Variants in XKR4 observed in about 807,000 individuals in gnomAD.
XKR4 encodes XK related 4.
A neutral mutation model predicts 53.9 loss-of-function variants in XKR4; 12 were observed. That is an observed-to-expected ratio of 0.22 (90% CI 0.14 to 0.36). XKR4 has a LOEUF of 0.36. XKR4 is among the 10% of genes least tolerant of loss of function. The probability of loss-of-function intolerance (pLI) is 1.00; values close to 1 mark genes in which losing one functional copy is unlikely to be tolerated. For synonymous variants in XKR4, 354 were observed against 362.4 expected, an observed-to-expected ratio of 0.98 and a Z score of 0.26; for missense variants, 799 against 859.5, an observed-to-expected ratio of 0.93 and a Z score of 0.88.
chr8:55,523,263 T>C lies in XKR4; in HGVS notation c.1007-18T>C, dbSNP rs775043728. 1.9e-6 allele frequency: 3 copies of C among 1,569,258 alleles called. No individual in the cohort carries two copies. The highest frequency in any genetic ancestry group is 2.6e-6 in the Non-Finnish European group (3 of 1,156,768). ...GCAACTGATTTCTGACACACTGTCT[T>C]CCTGTTTGCCTTTGTAGGTTTCACA... On this transcript the variant is annotated intron_variant, in intron 2 of 2. Transcript: ENST00000327381.
At chr8:55,480,788 C>T (rs1184511959) in intron 2 of XKR4, among the ~76,000 whole-genome samples, 1 of 141,748 alleles carries the variant, frequency 7.1e-6, no homozygotes, top group Non-Finnish European at 1.5e-5. Context: ...TGAGTGAACT[C>T]CCATTCACAA....
intron 1 of XKR4, among the ~76,000 whole-genome samples, chr8:55,285,457 T>C (rs1818895365): frequency 6.6e-6 from 1 of 151,584 alleles, no homozygotes; most frequent in South Asian, 2.1e-4. Flanking sequence ...GAATGAAGAA[T>C]TGAATTAATG....
In XKR4 at chr8:55,541,272, G is replaced by A. The variant is rs574097131; in HGVS notation, c.*17045G>A. On this transcript the variant is annotated 3_prime_UTR_variant, in exon 3 of 3. Coordinates refer to ENST00000327381, the MANE Select transcript of XKR4 (RefSeq NM_052898.2). The stretch of plus-strand genomic sequence containing the variant: ...ACCTCAGGAGGTTGTACTTAATTTT[G>A]TTTGTTTGTTTCTAAGGTTGGTTTT... 1 of 152,234 alleles carries A rather than the reference G, an allele frequency of 6.6e-6. No homozygotes were observed. The highest frequency in any genetic ancestry group is 2.1e-4 in the South Asian group (1 of 4,826). The allele number at this position is 152,234 out of a possible 1,614,324, so 9.4% of individuals were successfully genotyped here. A position where few individuals can be genotyped will look rare whatever the true frequency, so the allele number is the denominator to read the frequency against.
chr8:55,511,334 G>A (rs995509203), intron 2 of XKR4, among the ~76,000 whole-genome samples: 3 of 152,128 alleles, frequency 2.0e-5, no homozygotes, highest in Non-Finnish European at 2.9e-5. Flanking sequence ...AATTATTTGC[G>A]GAATGAAGCC....
At chr8:55,364,435 C>T (rs1056878633) in intron 2 of XKR4, among the ~76,000 whole-genome samples, 9 of 152,168 alleles carry the variant, frequency 5.9e-5, no homozygotes, top group African/African-American at 2.2e-4. Context: ...CCTTCTGTAG[C>T]GTGTTCTCCC....
chr8:55,314,983 C>T (rs572403894), intron 1 of XKR4, among the ~76,000 whole-genome samples: 81 of 152,272 alleles, frequency 5.3e-4, no homozygotes, highest in African/African-American at 1.6e-3. Context: ...AGGGCAAAAA[C>T]GCTGTGCATT....
intron 1 of XKR4, among the ~76,000 whole-genome samples, chr8:55,224,087 C>A (rs1328815229): frequency 6.6e-6 from 1 of 152,142 alleles, no homozygotes; most frequent in Non-Finnish European, 1.5e-5. Flanking sequence ...ATATATACAT[C>A]TGCTTTTTCT....
At chr8:55,106,707 A>G (rs1816154892) in intron 1 of XKR4, among the ~76,000 whole-genome samples, 1 of 152,184 alleles carries the variant, frequency 6.6e-6, no homozygotes, top group Admixed American at 6.5e-5. Context: ...ATGTATGTAC[A>G]TAGTTAATTA....
intron 2 of XKR4, among the ~76,000 whole-genome samples, chr8:55,484,115 C>T (rs2129401523): frequency 6.6e-6 from 1 of 152,198 alleles, no homozygotes; most frequent in South Asian, 2.1e-4. Context: ...AACACATAAG[C>T]TACCCCAACT....
intron 2 of XKR4, among the ~76,000 whole-genome samples, chr8:55,475,618 ATTTG>A (rs1479178732): frequency 0.04 from 2,908 of 73,556 alleles, 74 homozygotes; most frequent in African/African-American, 0.19. Flanking sequence ...TTATTTATTT[ATTTG>A]AGATGGAGTC....
At chr8:55,182,631 C>A (rs1168373214) in intron 1 of XKR4, among the ~76,000 whole-genome samples, 1 of 152,090 alleles carries the variant, frequency 6.6e-6, no homozygotes, top group Non-Finnish European at 1.5e-5. Flanking sequence ...TTTTTGGGAT[C>A]TCTGTTCTGT....
intron 2 of XKR4, among the ~76,000 whole-genome samples, chr8:55,510,173 C>G (rs1327058780): frequency 1.3e-5 from 2 of 151,950 alleles, no homozygotes; most frequent in African/African-American, 4.8e-5. Context: ...AGGCAGAAGG[C>G]CTAGGTGGCA....
At chr8:55,418,740 T>C (rs1804884554) in intron 2 of XKR4, among the ~76,000 whole-genome samples, 1 of 152,200 alleles carries the variant, frequency 6.6e-6, no homozygotes, top group Non-Finnish European at 1.5e-5. Context: ...ACAGGCTCAG[T>C]GATAGCGGCT....
At chr8:55,458,004 A>G (rs1384225371) in intron 2 of XKR4, among the ~76,000 whole-genome samples, 1 of 152,234 alleles carries the variant, frequency 6.6e-6, no homozygotes. Context: ...GAAAGGAGAT[A>G]TACCATGCTC....
intron 2 of XKR4, among the ~76,000 whole-genome samples, chr8:55,467,076 AATCTC>A: frequency 6.6e-6 from 1 of 152,206 alleles, no homozygotes; most frequent in South Asian, 2.1e-4. Flanking sequence ...CCAGGGCTGC[AATCTC>A]ATCTGGGCAC....
intron 1 of XKR4, among the ~76,000 whole-genome samples, chr8:55,301,344 C>T (rs1367065502): frequency 6.6e-6 from 1 of 151,940 alleles, no homozygotes; most frequent in Non-Finnish European, 1.5e-5. Flanking sequence ...TTTATGGCTG[C>T]ATAGTATTCC....
chr8:55,236,287 A>C (rs1818121794), intron 1 of XKR4, among the ~76,000 whole-genome samples: 1 of 152,178 alleles, frequency 6.6e-6, no homozygotes, highest in South Asian at 2.1e-4. Flanking sequence ...ATGGTATTAA[A>C]GGGAGGCCTC....
At chr8:55,458,308 G>A (rs937098379) in intron 2 of XKR4, among the ~76,000 whole-genome samples, 1 of 152,254 alleles carries the variant, frequency 6.6e-6, no homozygotes, top group Non-Finnish European at 1.5e-5. Context: ...CCTCATGGGA[G>A]GGGAAGCATG....
intron 2 of XKR4, chr8:55,452,402 G>A (rs1362388206): frequency 1.6e-6 from 1 of 626,494 alleles, no homozygotes; most frequent in East Asian, 2.9e-5. Context: ...TGAGGAAGAG[G>A]GCGCCCTCAG....
Sources: allele counts gnomAD v4.1 joint callset (sites outside exome capture counted in the v4.1 genomes callset), GRCh38; gene constraint gnomAD v4.1.1; transcripts MANE v1.5; gene names NCBI Gene and HGNC (gene_info 2026-07-23, HGNC 2026-07-21).